The following TRPM3 variants were observed in gnomAD, a reference collection of about 807,000 sequenced individuals.
TRPM3 encodes the protein long transient receptor potential channel 3.
TRPM3 carries 77 observed loss-of-function variants against 181.2 expected under a neutral mutation model. That is an observed-to-expected ratio of 0.42 (90% CI 0.35 to 0.51). TRPM3 has a LOEUF of 0.51. Ranked by LOEUF, TRPM3 falls within the 20% of genes least tolerant of loss-of-function variation. The pLI is 0.01. For missense variants in TRPM3, 1,759 were observed against 2,196.7 expected (o/e 0.80, Z 3.98); for synonymous variants, 745 against 796.4 (o/e 0.94, Z 1.09).
chr9:70,952,457 G>A (rs932006510), intron 1 of TRPM3, among the ~76,000 whole-genome samples: 19 of 152,082 alleles, frequency 1.2e-4, no homozygotes, highest in South Asian at 8.3e-4. Flanking sequence ...GCACAATTAC[G>A]TAGCTCATTT....
intron 1 of TRPM3, among the ~76,000 whole-genome samples, chr9:71,397,747 T>C (rs1269218643): frequency 1.3e-5 from 2 of 152,114 alleles, no homozygotes. Context: ...TATGCAGAAC[T>C]CTTATGTTTA....
chr9:71,419,921 T>C (rs1023262642), intron 1 of TRPM3, among the ~76,000 whole-genome samples: 1 of 151,960 alleles, frequency 6.6e-6, no homozygotes, highest in Admixed American at 6.6e-5. Flanking sequence ...AATTCTGACA[T>C]TCTGAACATT....
intron 7 of TRPM3, among the ~76,000 whole-genome samples, chr9:70,780,767 A>G (rs1285247286): frequency 5.9e-5 from 9 of 152,202 alleles, no homozygotes; most frequent in Non-Finnish European, 1.2e-4. Context: ...AACACTACAT[A>G]TAAAATACAA....
intron 1 of TRPM3, among the ~76,000 whole-genome samples, chr9:71,198,233 A>G (rs966969821): frequency 6.6e-6 from 1 of 151,960 alleles, no homozygotes; most frequent in Non-Finnish European, 1.5e-5. Context: ...TGATCAATAT[A>G]TCTGTTTTGG....
At chr9:70,966,610 A>G (rs1004799189) in intron 1 of TRPM3, among the ~76,000 whole-genome samples, 1 of 152,164 alleles carries the variant, frequency 6.6e-6, no homozygotes, top group African/African-American at 2.4e-5. Flanking sequence ...ATGGAGCTGG[A>G]GGCCATTATC....
intron 8 of TRPM3, among the ~76,000 whole-genome samples, chr9:70,748,767 T>C (rs2075626446): frequency 6.6e-6 from 1 of 152,164 alleles, no homozygotes; most frequent in Admixed American, 6.5e-5. Flanking sequence ...GAACAATAAA[T>C]CTCTGTTGTT....
chr9:71,191,314 T>C (rs1370668754), intron 1 of TRPM3, among the ~76,000 whole-genome samples: 1 of 151,854 alleles, frequency 6.6e-6, no homozygotes, highest in African/African-American at 2.4e-5. Context: ...GTGTCATTAT[T>C]TATTTGCTTT....
intron 1 of TRPM3, among the ~76,000 whole-genome samples, chr9:71,058,161 T>C (rs1462750744): frequency 2.6e-5 from 4 of 152,050 alleles, no homozygotes; most frequent in Admixed American, 2.6e-4. Context: ...ATTAGATACA[T>C]GTTTTAAGCA....
chr9:71,268,878 C>T (rs1464352483), intron 1 of TRPM3, among the ~76,000 whole-genome samples: 3 of 151,990 alleles, frequency 2.0e-5, no homozygotes, highest in African/African-American at 4.8e-5. Context: ...GAGAAGGCTT[C>T]TCAGGGAAAG....
At chr9:71,313,840 A>AT (rs2088263711) in intron 1 of TRPM3, among the ~76,000 whole-genome samples, 1 of 152,110 alleles carries the variant, frequency 6.6e-6, no homozygotes, top group African/African-American at 2.4e-5. Context: ...CTGGTTGTAA[A>AT]TATTGAAAGA....
chr9:71,262,268 G>A (rs2083109000), intron 1 of TRPM3, among the ~76,000 whole-genome samples: 1 of 152,144 alleles, frequency 6.6e-6, no homozygotes, highest in East Asian at 1.9e-4. Flanking sequence ...GTGGTGCTGG[G>A]GTGGGCTCCA....
rs542687327 is a variant in TRPM3, at chr9:71,428,697, C to T, written c.183+17956G>A. Among the ~76,000 whole-genome samples, 13 of 152,250 alleles carry T rather than the reference C, an allele frequency of 8.5e-5. No homozygotes were observed. The East Asian group carries it at 2.5e-3, about 29-fold the overall frequency. ...TTCAGCAGCCAATTTGCAAGTGATA[C>T]TAATCTAAAAGACTTGCCTAATGAA... On this transcript the variant is annotated intron_variant, in intron 1 of 24. Coordinates refer to the TRPM3 transcript ENST00000357533.
chr9:71,048,342 A>G (rs1307287138), intron 1 of TRPM3, among the ~76,000 whole-genome samples: 1 of 151,444 alleles, frequency 6.6e-6, no homozygotes, highest in African/African-American at 2.4e-5. Context: ...ACCTCATTTT[A>G]TGTCAAAGAA....
chr9:70,899,287 T>C (rs1243203977), intron 1 of TRPM3, among the ~76,000 whole-genome samples: 1 of 152,238 alleles, frequency 6.6e-6, no homozygotes, highest in Admixed American at 6.5e-5. Flanking sequence ...TTCCTGGAAG[T>C]GATCTTACTG....
chr9:70,873,903 T>C (rs2095831286), intron 1 of TRPM3, among the ~76,000 whole-genome samples: 1 of 151,962 alleles, frequency 6.6e-6, no homozygotes. Context: ...ATTTTTATCA[T>C]TATTTGGGGG....
At chr9:70,968,203 C>CA (rs1269441246) in intron 1 of TRPM3, among the ~76,000 whole-genome samples, 3 of 152,080 alleles carry the variant, frequency 2.0e-5, no homozygotes, top group East Asian at 1.9e-4. Context: ...AATAGGTATA[C>CA]AATGTGCTTA....
chr9:71,235,328 A>C (rs1410798975), intron 1 of TRPM3, among the ~76,000 whole-genome samples: 1 of 152,238 alleles, frequency 6.6e-6, no homozygotes, highest in Non-Finnish European at 1.5e-5. Context: ...ATTTGTCAAC[A>C]TTGCATATGT....
At chr9:71,268,328 C>T (rs750223968) in intron 1 of TRPM3, among the ~76,000 whole-genome samples, 5 of 151,876 alleles carry the variant, frequency 3.3e-5, no homozygotes, top group East Asian at 1.9e-4. Context: ...TGCAGTGAGC[C>T]GTGATCACGC....
At chr9:70,814,070 T>C (rs916346006) in intron 6 of TRPM3, among the ~76,000 whole-genome samples, 1 of 152,196 alleles carries the variant, frequency 6.6e-6, no homozygotes, top group Non-Finnish European at 1.5e-5. Context: ...CAAGAGAAGA[T>C]ATAACAGAGA....
Sources: gnomAD v4.1 joint callset for allele counts (sites outside exome capture counted in the v4.1 genomes callset) on GRCh38, gnomAD v4.1.1 for gene constraint, MANE v1.5 for transcripts, NCBI Gene and HGNC (gene_info 2026-07-23, HGNC 2026-07-21) for gene names.